Variants in SLC13A1 observed in about 807,000 individuals in gnomAD.
The protein encoded by SLC13A1 is solute carrier family 13 member 1.
A neutral mutation model predicts 70.0 loss-of-function variants in SLC13A1; 65 were observed. The observed-to-expected ratio is 0.93, with a 90% CI of 0.76 to 1.14. The LOEUF is 1.14. Among genes scored for constraint, SLC13A1 ranks in the 50% most tolerant of loss-of-function variants. The pLI, the probability that SLC13A1 is intolerant of heterozygous loss-of-function variation, is 0.00. For synonymous variants in SLC13A1, 275 were observed against 250.5 expected (o/e 1.10, Z -0.92); for missense variants, 726 against 717.8 (o/e 1.01, Z -0.13).
chr7:123,127,528 C>T (rs530896458), intron 10 of SLC13A1, among the ~76,000 whole-genome samples: 1 of 152,048 alleles, frequency 6.6e-6, no homozygotes, highest in South Asian at 2.1e-4. Flanking sequence ...ACCACAAAAC[C>T]ACAAAATATT....
Position 123,157,623 on chromosome 7 carries a change from C to A in SLC13A1, c.661-10313G>T, listed in dbSNP as rs553054346. Among the ~76,000 whole-genome samples, 130 of 151,968 alleles carry A rather than the reference C, an allele frequency of 8.6e-4. 1 individual carries two copies. Among genetic ancestry groups the A allele is most frequent in the African/African-American group, 3.0e-3 (126 of 41,478 alleles). ...GCCACTGAGAAAAACCTTGCTCTTT[C>A]TAGTTGTAAAAATGACTGAAACAAA... On this transcript the variant is annotated intron_variant, in intron 6 of 14. Transcript: ENST00000194130.
intron 6 of SLC13A1, among the ~76,000 whole-genome samples, chr7:123,155,914 C>G (rs929715710): frequency 6.6e-6 from 1 of 152,050 alleles, no homozygotes; most frequent in African/African-American, 2.4e-5. Context: ...GACACCCTCC[C>G]CCAGCCCAGA....
intron 7 of SLC13A1, among the ~76,000 whole-genome samples, chr7:123,142,128 G>A (rs1400274830): frequency 6.6e-6 from 1 of 152,040 alleles, no homozygotes; most frequent in Admixed American, 6.5e-5. Context: ...CTAATGTACT[G>A]TGGCTCAGCT....
Position 123,117,488 on chromosome 7 carries a change from G to A in SLC13A1, c.1633C>T (p.Leu545=). The A allele has an allele frequency of 6.2e-7, 1 of 1,613,186 alleles. No homozygotes were observed. The change falls in exon 14 of 15, where the codon CTG becomes TTG. Residue 545 remains leucine (L), a synonymous_variant. Coordinates refer to ENST00000194130, the MANE Select transcript of SLC13A1 (RefSeq NM_022444.4). Reference sequence around the variant, plus strand: ...TAACTCACCATGTCAATGACTTTCAGATGACCATATGAAAAGACAATAGCA... The same window carrying A: ...TAACTCACCATGTCAATGACTTTCAAATGACCATATGAAAAGACAATAGCA... ...PNAIVFSYGH[L]KVIDMVKAGL...
In SLC13A1 at chr7:123,134,503, T is replaced by C. The variant is rs935634173; in HGVS notation, c.839A>G (p.Asn280Ser). 1 of 1,613,418 alleles carries C rather than the reference T, an allele frequency of 6.2e-7. No individual in the cohort carries two copies. Among genetic ancestry groups the C allele is most frequent in the South Asian group, 1.1e-5 (1 of 91,020 alleles). Residue 280 changes from asparagine (N) to serine (S), a missense_variant, in exon 8 of 15, where the codon AAC becomes AGC. Physicochemically the swap from Asn to Ser is conservative, Grantham distance 46 (BLOSUM62 1). Coordinates refer to ENST00000194130, the MANE Select transcript of SLC13A1 (RefSeq NM_022444.4). Reference sequence around the variant, plus strand: ...GGAAAACGTAAACCATGATCCAAAGTTGAGGCAACGACAGTCAGGATAGCG... The same window carrying C: ...GGAAAACGTAAACCATGATCCAAAGCTGAGGCAACGACAGTCAGGATAGCG... ...NTRYPDCRCL[N>S]FGSWFTFSFP...
At position 123,174,350 on chromosome 7, in the gene SLC13A1, T is replaced by C. The variant is rs75785735; in HGVS notation, c.229-2446A>G. On this transcript the variant is annotated intron_variant, in intron 2 of 14. Transcript: ENST00000194130. ...ACATATCCACAATGACACTTCTCATTTTCTCACTCCCCATCCTTCAAACAC... is the reference window on the plus strand; with the variant it reads ...ACATATCCACAATGACACTTCTCATCTTCTCACTCCCCATCCTTCAAACAC... Among the ~76,000 whole-genome samples, 1,286 of 152,220 alleles carry C rather than the reference T, an allele frequency of 8.4e-3. 19 individuals carry two copies. Among genetic ancestry groups the C allele is most frequent in the African/African-American group, 0.029 (1,193 of 41,544 alleles).
chr7:123,176,946 G>C (rs1304328189), intron 2 of SLC13A1, among the ~76,000 whole-genome samples: 1 of 151,906 alleles, frequency 6.6e-6, no homozygotes, highest in Non-Finnish European at 1.5e-5. Context: ...CAAGTCTTAG[G>C]GCTTTAAATA....
chr7:123,161,834 T>C (rs1794916085), intron 6 of SLC13A1, among the ~76,000 whole-genome samples: 3 of 152,190 alleles, frequency 2.0e-5, no homozygotes. Flanking sequence ...TGGGGGTGAT[T>C]CTGTAAGGAA....
chr7:123,191,914 A>G (rs1796009737), intron 1 of SLC13A1, among the ~76,000 whole-genome samples: 1 of 152,166 alleles, frequency 6.6e-6, no homozygotes, highest in African/African-American at 2.4e-5. Context: ...TCAGTAACAT[A>G]TTTGAGTGAG....
At position 123,185,710 on chromosome 7, in the gene SLC13A1, G is replaced by A. The variant is rs148512710; in HGVS notation, c.100-4609C>T. Among the ~76,000 whole-genome samples, 418 of 152,152 alleles carry A rather than the reference G, an allele frequency of 2.7e-3. 2 individuals are homozygous for A. Among genetic ancestry groups the A allele is most frequent in the African/African-American group, 9.2e-3 (384 of 41,542 alleles). ...TTGTAGTATATTTTGAAATCAGGTAGTGTGATGCCCCCCAGCTTTGTTCTT... is the reference window on the plus strand; with the variant it reads ...TTGTAGTATATTTTGAAATCAGGTAATGTGATGCCCCCCAGCTTTGTTCTT... On this transcript the variant is annotated intron_variant, in intron 1 of 14. Transcript: ENST00000194130.
chr7:123,179,960 A>G, intron 2 of SLC13A1, among the ~76,000 whole-genome samples: 1 of 152,140 alleles, frequency 6.6e-6, no homozygotes, highest in East Asian at 1.9e-4. Context: ...GCATTTAAGA[A>G]GCTTAATAGA....
chr7:123,165,621 C>A (rs978290684), intron 6 of SLC13A1, among the ~76,000 whole-genome samples: 1 of 152,072 alleles, frequency 6.6e-6, no homozygotes. Context: ...CATATTGCCC[C>A]GCAGTTTTAA....
Position 123,129,376 on chromosome 7 carries a change from G to A in SLC13A1, c.1031+7C>T, listed in dbSNP as rs373374177. 1 of 1,391,034 alleles carries A rather than the reference G, an allele frequency of 7.2e-7. No individual in the cohort carries two copies. The highest frequency in any genetic ancestry group is 9.9e-7 in the Non-Finnish European group (1 of 1,006,640). 86.2% of individuals were successfully genotyped at this position (1,391,034 alleles called of 1,614,324 possible). ...TGTGTGTGTGTGTGTGTGTGTGTTT[G>A]TCTTACCTTATTGGCCCAAGCTTTT... On this transcript the variant is annotated splice_region_variant and intron_variant, in intron 9 of 14. Transcript: ENST00000194130.
chr7:123,124,222 G>T (rs1291688421), intron 11 of SLC13A1, among the ~76,000 whole-genome samples: 1 of 152,082 alleles, frequency 6.6e-6, no homozygotes, highest in East Asian at 1.9e-4. Context: ...CTAAGGGAGG[G>T]AATTCAGATG....
chr7:123,181,265 T>A (rs753582000), intron 1 of SLC13A1, 164 bp from the exon 2 acceptor site: 18 of 598,700 alleles, frequency 3.0e-5, no homozygotes, highest in Non-Finnish European at 4.0e-5. Context: ...TTCTTAGAAG[T>A]TCTAAGAAGC....
At chr7:123,147,628 T>C (rs1193980686) in intron 6 of SLC13A1, among the ~76,000 whole-genome samples, 1 of 152,004 alleles carries the variant, frequency 6.6e-6, no homozygotes, top group African/African-American at 2.4e-5. Context: ...CACCAGACAC[T>C]GACCCTGCCA....
At chr7:123,196,926 G>A (rs1796205440) in intron 1 of SLC13A1, among the ~76,000 whole-genome samples, 1 of 152,142 alleles carries the variant, frequency 6.6e-6, no homozygotes, top group South Asian at 2.1e-4. Context: ...TCTAGAGCAT[G>A]TAGATGGCCT....
At chr7:123,185,316 T>G (rs774678471) in intron 1 of SLC13A1, among the ~76,000 whole-genome samples, 11 of 152,162 alleles carry the variant, frequency 7.2e-5, no homozygotes, top group Non-Finnish European at 1.0e-4. Flanking sequence ...TTTGCTTTTG[T>G]TGCTGTGCTT....
intron 1 of SLC13A1, among the ~76,000 whole-genome samples, chr7:123,197,821 C>T (rs1796232715): frequency 6.6e-6 from 1 of 152,042 alleles, no homozygotes; most frequent in Admixed American, 6.6e-5. Context: ...TAATACACTT[C>T]CCAGTGAATG....
Sources: gnomAD v4.1 joint callset for allele counts (sites outside exome capture counted in the v4.1 genomes callset) on GRCh38, gnomAD v4.1.1 for gene constraint, MANE v1.5 for transcripts, NCBI Gene and HGNC (gene_info 2026-07-23, HGNC 2026-07-21) for gene names.